RPS6: variants seen among roughly 807,000 people sequenced by gnomAD.
RPS6 encodes the protein ribosomal protein S6, also known as small ribosomal subunit protein eS6.
A neutral mutation model predicts 27.1 loss-of-function variants in RPS6; 1 was observed. The observed-to-expected ratio is 0.04, with a 90% CI of 0.01 to 0.18. The LOEUF is 0.18. RPS6 is among the 10% of genes least tolerant of loss of function. The probability of loss-of-function intolerance (pLI) is 1.00; values close to 1 mark genes in which losing one functional copy is unlikely to be tolerated. For missense variants in RPS6, 259 were observed against 319.1 expected (o/e 0.81, Z 1.44); for synonymous variants, 152 against 106.0 (o/e 1.43, Z -2.66).
Position 19,376,213 on chromosome 9 carries a change from C to G in RPS6, c.*80G>C. 8.1e-7 allele frequency: 1 copy of G among 1,231,484 alleles called. No individual in the cohort carries two copies. Among genetic ancestry groups the G allele is most frequent in the Non-Finnish European group, 1.2e-6 (1 of 861,554 alleles). 76.3% of individuals were successfully genotyped at this position (1,231,484 alleles called of 1,614,324 possible). On this transcript the variant is annotated 3_prime_UTR_variant, in exon 6 of 6. Coordinates refer to ENST00000380394, the MANE Select transcript of RPS6 (RefSeq NM_001010.3). ...TCTATGACCTAACTTTCCCTCTCTT[C>G]ATTTATGTAGTTTTCTATCAGCAAT... is the stretch of plus-strand genomic sequence containing the variant.
intron 4 of RPS6, among the ~76,000 whole-genome samples, chr9:19,377,391 GCTT>G (rs1287428918): frequency 7.8e-6 from 1 of 128,196 alleles, no homozygotes; most frequent in Non-Finnish European, 1.6e-5. Flanking sequence ...TTTGTCAATT[GCTT>G]TTTTTTTTTT....
intron 4 of RPS6, among the ~76,000 whole-genome samples, chr9:19,377,068 G>T (rs951436650): frequency 6.6e-6 from 1 of 152,108 alleles, no homozygotes; most frequent in African/African-American, 2.4e-5. Context: ...GCCAATTCAG[G>T]GGTAACGTTA....
In RPS6 at chr9:19,376,266, T is replaced by C. The variant is rs933881985; in HGVS notation, c.*27A>G. 3.2e-6 allele frequency: 5 copies of C among 1,563,948 alleles called. No homozygotes were observed. In the African/African-American group the frequency reaches 6.8e-5, roughly 21 times the overall value. On this transcript the variant is annotated 3_prime_UTR_variant, in exon 6 of 6. Coordinates refer to ENST00000380394, the MANE Select transcript of RPS6 (RefSeq NM_001010.3). ...AAAGTCAACAGAGATCAGAGTCTGATCTTATTTATTTGTTACTCAAAAAAT... is the reference window on the plus strand; with the variant it reads ...AAAGTCAACAGAGATCAGAGTCTGACCTTATTTATTTGTTACTCAAAAAAT...
rs778272571 is a variant in RPS6 at position 19,378,484 on chromosome 9, G to C, written c.380C>G (p.Thr127Ser). Residue 127 changes from threonine to serine, a missense_variant, in exon 4 of 6, where the codon ACT (threonine) becomes AGT (serine). Transcript: ENST00000380394. ...GGGGCCCAGGCGGCGAGGCACTGTA[G>C]TATCAGTCAGTCCAGGAATATCCTT... ...GEKDIPGLTD[T>S]TVPRRLGPKR... 7 of 1,614,146 alleles carry C rather than the reference G, an allele frequency of 4.3e-6. No individual in the cohort carries two copies. In the Admixed American group the frequency reaches 5.0e-5, roughly 12 times the overall value.
In RPS6 at chr9:19,376,195, C is replaced by T; in HGVS notation, c.*98G>A. On this transcript the variant is annotated 3_prime_UTR_variant, in exon 6 of 6. Coordinates refer to ENST00000380394, the MANE Select transcript of RPS6 (RefSeq NM_001010.3). ...ATATACATATCCCCATTTTCTATGA[C>T]CTAACTTTCCCTCTCTTCATTTATG... 1 of 1,045,352 alleles carries T rather than the reference C, an allele frequency of 9.6e-7. No individual in the cohort carries two copies. The highest frequency in any genetic ancestry group is 1.4e-6 in the Non-Finnish European group (1 of 700,340). 64.8% of individuals were successfully genotyped at this position (1,045,352 alleles called of 1,614,324 possible).
rs138541566 is a variant in RPS6, at chr9:19,378,905, C to T, written c.152G>A (p.Arg51Gln). The change falls in exon 3 of 6, where the codon CGA becomes CAA. Residue 51 changes from arginine (R) to glutamine (Q), a missense_variant. By Grantham distance (43) the Arg-to-Gln change is conservative (BLOSUM62 1). Coordinates refer to ENST00000380394, the MANE Select transcript of RPS6 (RefSeq NM_001010.3). ...LGEEWKGYVV[R>Q]ISGGNDKQGF... Reference sequence around the variant, plus strand: ...TTGTTTGTCGTTCCCACCACTGATTCGGACCACATAACCCTGCAAGAGCAT... The same window carrying T: ...TTGTTTGTCGTTCCCACCACTGATTTGGACCACATAACCCTGCAAGAGCAT... 7.0e-4 allele frequency: 1,124 copies of T among 1,614,064 alleles called. No individual in the cohort carries two copies. Among genetic ancestry groups the T allele is most frequent in the Non-Finnish European group, 8.9e-4 (1,045 of 1,179,990 alleles).
In RPS6 at chr9:19,375,989, AAAAAAGATT is replaced by A; in HGVS notation, c.*295_*303del. 1 of 219,672 alleles carries A rather than the reference AAAAAAGATT, an allele frequency of 4.6e-6. No homozygotes were observed. 13.6% of individuals were successfully genotyped at this position (219,672 alleles called of 1,614,324 possible). Reference sequence around the variant, plus strand: ...TATATTCCTCAAAAATAAACTATATAAAAAAGATTAATAGTCCTCATCATTTCCCCTAAG... The same window carrying A: ...TATATTCCTCAAAAATAAACTATATAAATAGTCCTCATCATTTCCCCTAAG... On this transcript the variant is annotated 3_prime_UTR_variant, in exon 6 of 6. Coordinates refer to ENST00000380394, the MANE Select transcript of RPS6 (RefSeq NM_001010.3).
At chr9:19,377,301 C>G (rs1468130856) in intron 4 of RPS6, among the ~76,000 whole-genome samples, 1 of 151,702 alleles carries the variant, frequency 6.6e-6, no homozygotes, top group African/African-American at 2.4e-5. Flanking sequence ...TAAGAACCAT[C>G]TAAAAATACC....
rs1281493970 is a variant in RPS6, at chr9:19,378,699, A to T, written c.349+9T>A. On this transcript the variant is annotated intron_variant, in intron 3 of 5. Transcript: ENST00000380394. Reference sequence around the variant, plus strand: ...ATTTCAACGAAAATTGAACACAAGTAACCCTCACCTTTTTTTACAATAACC... The same window carrying T: ...ATTTCAACGAAAATTGAACACAAGTTACCCTCACCTTTTTTTACAATAACC... 6.2e-7 allele frequency: 1 copy of T among 1,613,532 alleles called. No homozygotes were observed. Among genetic ancestry groups the T allele is most frequent in the Admixed American group, 1.7e-5 (1 of 60,026 alleles).
At chr9:19,378,586 T>C (rs1371568364) in intron 3 of RPS6, 72 bp from the exon 4 acceptor site, 3 of 1,587,888 alleles carry the variant, frequency 1.9e-6, no homozygotes, top group Non-Finnish European at 2.6e-6. Context: ...ATGTTTAATG[T>C]TGAATTGATG....
rs12001628 is a variant in RPS6 at position 19,380,174 on chromosome 9, C to G, written c.6+16G>C. On this transcript the variant is annotated intron_variant, in intron 1 of 5. Transcript: ENST00000380394. ...CGTTCCCCAAACCCAGTCTAACACT[C>G]GCCACCATCACCTACCTTCATCTTG... 12 of 1,614,016 alleles carry G rather than the reference C, an allele frequency of 7.4e-6. No individual in the cohort carries two copies. In the African/African-American group the frequency reaches 1.5e-4, roughly 20 times the overall value.
At chr9:19,379,136 GT>G in intron 2 of RPS6, 1 of 781,812 alleles carries the variant, frequency 1.3e-6, no homozygotes, top group Non-Finnish European at 2.0e-6. Context: ...TCTAACCGAT[GT>G]TTTATTAGAG....
Position 19,378,844 on chromosome 9 carries a change from G to A in RPS6, c.213C>T (p.Gly71=). 7.4e-6 allele frequency: 12 copies of A among 1,614,146 alleles called. No homozygotes were observed. Among genetic ancestry groups the A allele is most frequent in the Non-Finnish European group, 8.5e-6 (10 of 1,180,010 alleles). ...FPMKQGVLTH[G]RVRLLLSKGH... is the part of the protein sequence containing the mutation. ...CCTTACTCAGTAGCAGGCGGACACG[G>A]CCATGGGTCAAGACACCCTGCTTCA... is the stretch of plus-strand genomic sequence containing the variant. The change falls in exon 3 of 6, where the codon GGC becomes GGT. Residue 71 remains glycine (G), a synonymous_variant. Transcript: ENST00000380394.
chr9:19,379,903 G>A (rs1238325361), intron 1 of RPS6: 5 of 1,426,426 alleles, frequency 3.5e-6, no homozygotes, highest in East Asian at 2.5e-5. Context: ...CCGGGGTCAA[G>A]AGCCGCACCA....
intron 1 of RPS6, 115 bp downstream of exon 1, chr9:19,380,075 G>GA: frequency 1.2e-6 from 2 of 1,611,092 alleles, no homozygotes; most frequent in Non-Finnish European, 1.7e-6. Flanking sequence ...TCCTACTTGA[G>GA]ACCCTTCTCC....
intron 2 of RPS6, 110 bp downstream of exon 2, chr9:19,379,377 C>T (rs767643119): frequency 1.5e-5 from 23 of 1,559,060 alleles, no homozygotes; most frequent in Middle Eastern, 1.7e-4. Flanking sequence ...AAGCAACTTA[C>T]CAAAGGTCAG....
chr9:19,379,267 G>A (rs1829639624), intron 2 of RPS6: 2 of 1,449,004 alleles, frequency 1.4e-6, no homozygotes, highest in Non-Finnish European at 1.8e-6. Flanking sequence ...CATGATGCAG[G>A]GCAAGAATTA....
At chr9:19,378,295 C>G (rs771512217) in intron 4 of RPS6, 73 bp downstream of exon 4, 4 of 1,466,640 alleles carry the variant, frequency 2.7e-6, no homozygotes, top group African/African-American at 1.4e-5. Flanking sequence ...ACATATTTAT[C>G]TTCTGATATG....
chr9:19,378,995 G>A, intron 2 of RPS6, 77 bp from the exon 3 acceptor site: 1 of 1,328,478 alleles, frequency 7.5e-7, no homozygotes, highest in Non-Finnish European at 1.1e-6. Flanking sequence ...TGACCTCTGT[G>A]AACACACCTA....
Sources: allele counts gnomAD v4.1 joint callset (sites outside exome capture counted in the v4.1 genomes callset), GRCh38; gene constraint gnomAD v4.1.1; transcripts MANE v1.5; gene names NCBI Gene and HGNC (gene_info 2026-07-23, HGNC 2026-07-21).